The following PDZD8 variants were observed in gnomAD, a reference collection of about 807,000 sequenced individuals.
PDZD8 encodes the protein PDZ domain containing 8.
In PDZD8, 14 loss-of-function variants were observed where a neutral mutation model predicts 85.8. The ratio of observed to expected loss-of-function variants is 0.16; its 90% confidence interval spans 0.11 to 0.26. The LOEUF is 0.26. Ranked by LOEUF, PDZD8 falls within the 10% of genes least tolerant of loss-of-function variation. PDZD8 has a pLI of 1.00. For missense variants in PDZD8, 1,197 were observed against 1,424.3 expected, an observed-to-expected ratio of 0.84 and a Z score of 2.57; for synonymous variants, 592 against 568.6, an observed-to-expected ratio of 1.04 and a Z score of -0.59.
rs890268005 is a variant in PDZD8, at chr10:117,360,814, A to G, written c.872+13542T>C. Among the ~76,000 whole-genome samples the G allele has an allele frequency of 2.0e-5, 3 of 151,886 alleles. No individual in the cohort carries two copies. In the East Asian group the frequency reaches 5.8e-4, roughly 29 times the overall value. On this transcript the variant is annotated intron_variant, in intron 1 of 4. Coordinates refer to ENST00000334464, the MANE Select transcript of PDZD8 (RefSeq NM_173791.5). The stretch of plus-strand genomic sequence containing the variant: ...GCTCACTGAGAAAGTGAGGCAACAG[A>G]GGTGGCTCCTTTACATATGGTAAAA...
intron 3 of PDZD8, among the ~76,000 whole-genome samples, chr10:117,304,170 G>A (rs1843893313): frequency 6.6e-6 from 1 of 152,202 alleles, no homozygotes; most frequent in Non-Finnish European, 1.5e-5. Flanking sequence ...AGCTGTCTAA[G>A]ACCATGGGAA....
chr10:117,319,063 C>T, intron 2 of PDZD8, 89 bp from the exon 3 acceptor site: 1 of 796,182 alleles, frequency 1.3e-6, no homozygotes, highest in South Asian at 1.6e-5. Context: ...AGAAACAACA[C>T]ATTACTCCAT....
chr10:117,299,844 A>G (rs1417198553), intron 3 of PDZD8, among the ~76,000 whole-genome samples: 1 of 151,976 alleles, frequency 6.6e-6, no homozygotes, highest in Admixed American at 6.6e-5. Flanking sequence ...GTTTGGATCC[A>G]TTGCTGGTGT....
chr10:117,314,178 T>A (rs1453557791), intron 3 of PDZD8: 1 of 152,192 alleles, frequency 6.6e-6, no homozygotes, highest in Non-Finnish European at 1.5e-5. Context: ...GCAGTAGTTC[T>A]TAGAATATAG....
chr10:117,350,157 C>G (rs1003502411), intron 1 of PDZD8, among the ~76,000 whole-genome samples: 3 of 151,984 alleles, frequency 2.0e-5, no homozygotes, highest in Non-Finnish European at 4.4e-5. Context: ...GGAACTAAGA[C>G]ACAGAGAGGT....
intron 2 of PDZD8, among the ~76,000 whole-genome samples, chr10:117,337,740 T>C (rs1380118361): frequency 6.6e-6 from 1 of 152,188 alleles, no homozygotes; most frequent in Non-Finnish European, 1.5e-5. Context: ...GCATTGTGGG[T>C]AGTTGCCTAT....
chr10:117,359,883 G>A (rs1844965881), intron 1 of PDZD8, among the ~76,000 whole-genome samples: 1 of 152,156 alleles, frequency 6.6e-6, no homozygotes, highest in East Asian at 1.9e-4. Context: ...TCCTTGAAGT[G>A]TACTATTCTT....
At position 117,318,958 on chromosome 10, in the gene PDZD8, A is replaced by T. The variant is rs1456400986; in HGVS notation, c.1012T>A (p.Ser338Thr). 2 of 1,610,116 alleles carry T rather than the reference A, an allele frequency of 1.2e-6. No homozygotes were observed. Among genetic ancestry groups the T allele is most frequent in the Middle Eastern group, 1.7e-4 (1 of 6,046 alleles). ...TGAACATTTGCCTCTCTGTCATAGGATCCAAAAATGAGTAACCTGCAGAAT... is the reference window on the plus strand; with the variant it reads ...TGAACATTTGCCTCTCTGTCATAGGTTCCAAAAATGAGTAACCTGCAGAAT... ...LECSRLLIFG[S>T]YDREANVHCT... The change falls in exon 3 of 5, where the codon TCC becomes ACC. Residue 338 changes from serine (S) to threonine (T), a missense_variant. Ser to Thr is a moderately conservative substitution (Grantham distance 58). Around this residue, in one of 4 missense-constraint regions of PDZD8, gnomAD observed 344 missense variants for 453.6 expected, o/e 0.76. Transcript: ENST00000334464.
In PDZD8 at chr10:117,278,077, C is replaced by T. The variant is rs1844524713; in HGVS notation, c.*5191G>A. Reference sequence around the variant, plus strand: ...ATGAAGAAAATTGAGGGTACATGTACCTTATACTGTCAAGGTTGTTTAAAC... The same window carrying T: ...ATGAAGAAAATTGAGGGTACATGTATCTTATACTGTCAAGGTTGTTTAAAC... On this transcript the variant is annotated 3_prime_UTR_variant, in exon 5 of 5. Transcript: ENST00000334464. 6.6e-6 allele frequency: 1 copy of T among 152,106 alleles called. No homozygotes were observed. Among genetic ancestry groups the T allele is most frequent in the Admixed American group, 6.5e-5 (1 of 15,272 alleles). 9.4% of individuals were successfully genotyped at this position (152,106 alleles called of 1,614,324 possible). A position where few individuals can be genotyped will look rare whatever the true frequency, so the allele number is the denominator to read the frequency against.
intron 2 of PDZD8, among the ~76,000 whole-genome samples, chr10:117,319,734 G>C (rs926098762): frequency 1.3e-5 from 2 of 151,986 alleles, no homozygotes; most frequent in Non-Finnish European, 1.5e-5. Context: ...ATATAATATA[G>C]TTTTTATTGC....
At chr10:117,349,505 A>G (rs1445714266) in intron 1 of PDZD8, among the ~76,000 whole-genome samples, 1 of 152,236 alleles carries the variant, frequency 6.6e-6, no homozygotes, top group Admixed American at 6.5e-5. Context: ...GTTATCAATT[A>G]TATAAAAATA....
At chr10:117,373,461 T>G (rs1845227354) in intron 1 of PDZD8, among the ~76,000 whole-genome samples, 1 of 152,044 alleles carries the variant, frequency 6.6e-6, no homozygotes, top group South Asian at 2.1e-4. Context: ...CCATCTGCTG[T>G]GGAAAGTATT....
intron 1 of PDZD8, among the ~76,000 whole-genome samples, chr10:117,346,232 CA>C (rs59338641): frequency 0.036 from 2,268 of 63,642 alleles, 30 homozygotes; most frequent in African/African-American, 0.14. Context: ...AAACTCCGTC[CA>C]AAAAAAAAAA....
chr10:117,354,060 T>G (rs1405776551), intron 1 of PDZD8, among the ~76,000 whole-genome samples: 1 of 152,168 alleles, frequency 6.6e-6, no homozygotes, highest in East Asian at 1.9e-4. Context: ...GAGGTAACCT[T>G]TTATTCCTCC....
chr10:117,292,382 A>T (rs1844783711), intron 3 of PDZD8, among the ~76,000 whole-genome samples: 1 of 152,174 alleles, frequency 6.6e-6, no homozygotes, highest in South Asian at 2.1e-4. Flanking sequence ...AAGGCTTTTA[A>T]CAAAACCCTT....
At chr10:117,344,290 T>A (rs1844665979) in intron 1 of PDZD8, among the ~76,000 whole-genome samples, 1 of 152,168 alleles carries the variant, frequency 6.6e-6, no homozygotes, top group Non-Finnish European at 1.5e-5. Context: ...CTTAAGAAAA[T>A]CGATGACAAT....
intron 4 of PDZD8, 191 bp from the exon 5 acceptor site, chr10:117,285,662 C>G (rs1844649752): frequency 6.7e-6 from 8 of 1,186,416 alleles, no homozygotes; most frequent in African/African-American, 1.6e-5. Flanking sequence ...ATTCTCAAAC[C>G]CTGAATGTGC....
chr10:117,362,801 C>T (rs1047962954), intron 1 of PDZD8, among the ~76,000 whole-genome samples: 2 of 152,034 alleles, frequency 1.3e-5, no homozygotes, highest in Non-Finnish European at 2.9e-5. Flanking sequence ...TTTCTCTTTA[C>T]ATTTCATTAA....
At chr10:117,306,973 T>A (rs1261585395) in intron 3 of PDZD8, among the ~76,000 whole-genome samples, 1 of 152,154 alleles carries the variant, frequency 6.6e-6, no homozygotes, top group African/African-American at 2.4e-5. Flanking sequence ...AATACTATTA[T>A]CTAATCTACA....
Sources: gnomAD v4.1 joint callset for allele counts (sites outside exome capture counted in the v4.1 genomes callset) on GRCh38, gnomAD v4.1.1 for gene constraint, gnomAD v4.1.1 regional missense constraint, MANE v1.5 for transcripts, NCBI Gene and HGNC (gene_info 2026-07-23, HGNC 2026-07-21) for gene names.